Variants in CSNK1G2 observed in about 807,000 individuals in gnomAD.
The protein encoded by CSNK1G2 is casein kinase 1 gamma 2, also known as casein kinase I isoform gamma-2.
CSNK1G2 carries 11 observed loss-of-function variants against 48.0 expected under a neutral mutation model. That is an observed-to-expected ratio of 0.23 (90% CI 0.14 to 0.38). The LOEUF is 0.38. Among genes scored for constraint, CSNK1G2 ranks in the 10% least tolerant of loss-of-function variants. CSNK1G2 has a pLI of 1.00. For missense variants in CSNK1G2, 446 were observed against 595.5 expected, an observed-to-expected ratio of 0.75 and a Z score of 2.61; for synonymous variants, 337 against 254.1, an observed-to-expected ratio of 1.33 and a Z score of -3.10.
Position 1,969,360 on chromosome 19 carries a change from C to T in CSNK1G2, c.-265-148C>T, listed in dbSNP as rs530951753. 139 of 155,698 alleles carry T rather than the reference C, an allele frequency of 8.9e-4. 3 individuals carry two copies. In the South Asian group the frequency reaches 0.028, roughly 31 times the overall value. 9.6% of individuals were successfully genotyped at this position (155,698 alleles called of 1,614,324 possible). A position where few individuals can be genotyped will look rare whatever the true frequency, so the allele number is the denominator to read the frequency against. Reference sequence around the variant, plus strand: ...GTGTGCTTCCCAGCTGGGTTCCGGGCAGGGACGGTGCTCATCATGCCCCGG... The same window carrying T: ...GTGTGCTTCCCAGCTGGGTTCCGGGTAGGGACGGTGCTCATCATGCCCCGG... On this transcript the variant is annotated intron_variant, in intron 1 of 11. Transcript: ENST00000255641.
Position 1,979,487 on chromosome 19 carries a change from C to A in CSNK1G2, c.854-8C>A. ...CCCGCCGAGGCCCCGCTGGCGCTCTCTCTGCAGAGGAGATGGCCACGTACC... is the reference window on the plus strand; with the variant it reads ...CCCGCCGAGGCCCCGCTGGCGCTCTATCTGCAGAGGAGATGGCCACGTACC... On this transcript the variant is annotated splice_region_variant and splice_polypyrimidine_tract_variant and intron_variant, in intron 8 of 11. Transcript: ENST00000255641. The A allele has an allele frequency of 7.0e-7, 1 of 1,423,892 alleles. No individual in the cohort carries two copies. Among genetic ancestry groups the A allele is most frequent in the Non-Finnish European group, 9.4e-7 (1 of 1,065,074 alleles). 88.2% of individuals were successfully genotyped at this position (1,423,892 alleles called of 1,614,324 possible).
Position 1,980,210 on chromosome 19 carries a change from G to A in CSNK1G2, c.*7G>A. 1 of 1,612,832 alleles carries A rather than the reference G, an allele frequency of 6.2e-7. No individual in the cohort carries two copies. Among genetic ancestry groups the A allele is most frequent in the South Asian group, 1.1e-5 (1 of 91,090 alleles). ...GCTGCAGCGACACAAGTGACCCTGG[G>A]CGCGTGCAGCCCCCTGAATCTTCTC... On this transcript the variant is annotated 3_prime_UTR_variant, in exon 12 of 12. Coordinates refer to ENST00000255641, the MANE Select transcript of CSNK1G2 (RefSeq NM_001319.7).
At position 1,978,842 on chromosome 19, in the gene CSNK1G2, G is replaced by C. The variant is rs754448313; in HGVS notation, c.448-17G>C. On this transcript the variant is annotated splice_polypyrimidine_tract_variant and intron_variant, in intron 5 of 11. Transcript: ENST00000255641. This position sits in a 1 kb window ranked among gnomAD's most constrained non-coding sequence, Gnocchi z 7.3. ...GACGGGGAGGGGCCCGGCCGACACC[G>C]CCGTGCCCCCCTGCAGATCACGCGC... The C allele has an allele frequency of 6.3e-7, 1 of 1,596,254 alleles. No homozygotes were observed. The highest frequency in any genetic ancestry group is 1.1e-5 in the South Asian group (1 of 90,466).
chr19:1,972,448 T>A (rs890809303), intron 2 of CSNK1G2, among the ~76,000 whole-genome samples: 2 of 152,242 alleles, frequency 1.3e-5, no homozygotes, highest in African/African-American at 2.4e-5. Flanking sequence ...TTAAGGTTTT[T>A]ATCTTTGATT....
At chr19:1,958,104 A>G (rs930820995) in intron 1 of CSNK1G2, among the ~76,000 whole-genome samples, 1 of 152,012 alleles carries the variant, frequency 6.6e-6, no homozygotes, top group African/African-American at 2.4e-5. Flanking sequence ...GCCCCTCCCG[A>G]GCAGGTCTGG....
chr19:1,948,164 G>A (rs1174425839), intron 1 of CSNK1G2, among the ~76,000 whole-genome samples: 1 of 152,172 alleles, frequency 6.6e-6, no homozygotes, highest in African/African-American at 2.4e-5. Context: ...CGCTGCCCCG[G>A]GCCCTGTCCC....
intron 1 of CSNK1G2, among the ~76,000 whole-genome samples, chr19:1,959,682 G>A (rs75060515): frequency 8.5e-6 from 1 of 118,342 alleles, no homozygotes; most frequent in African/African-American, 4.6e-5. Flanking sequence ...TGCCACCGTG[G>A]GTCCCCCAGC....
chr19:1,978,368 C>T lies in CSNK1G2; in HGVS notation c.228+23C>T. On this transcript the variant is annotated intron_variant, in intron 3 of 11. Coordinates refer to ENST00000255641, the MANE Select transcript of CSNK1G2 (RefSeq NM_001319.7). This position sits in a 1 kb window ranked among gnomAD's most constrained non-coding sequence, Gnocchi z 7.3. ...TTGGTGAGTCGGCCCCTCCACCCCACCCCCGCTGACGTGCCCCCCAGGGAT... is the reference window on the plus strand; with the variant it reads ...TTGGTGAGTCGGCCCCTCCACCCCATCCCCGCTGACGTGCCCCCCAGGGAT... The T allele has an allele frequency of 2.5e-6, 4 of 1,612,604 alleles. No homozygotes were observed. The highest frequency in any genetic ancestry group is 3.4e-6 in the Non-Finnish European group (4 of 1,179,378).
intron 2 of CSNK1G2, among the ~76,000 whole-genome samples, chr19:1,970,324 C>T (rs989622876): frequency 5.3e-5 from 8 of 152,246 alleles, no homozygotes; most frequent in Non-Finnish European, 8.8e-5. Flanking sequence ...GGTGCCTGCC[C>T]GGCACTCAGC....
chr19:1,945,402 C>T (rs983216559), intron 1 of CSNK1G2, among the ~76,000 whole-genome samples: 13 of 152,216 alleles, frequency 8.5e-5, no homozygotes, highest in African/African-American at 2.9e-4. Flanking sequence ...CACAGGGAAT[C>T]GGGGCAGCCC....
chr19:1,980,030 G>A lies in CSNK1G2; in HGVS notation c.1193+13G>A, dbSNP rs1291173498. 6.3e-7 allele frequency: 1 copy of A among 1,582,122 alleles called. No homozygotes were observed. Among genetic ancestry groups the A allele is most frequent in the East Asian group, 2.2e-5 (1 of 44,544 alleles). On this transcript the variant is annotated intron_variant, in intron 11 of 11. Coordinates refer to ENST00000255641, the MANE Select transcript of CSNK1G2 (RefSeq NM_001319.7). ...CCGATGAAACCAAGTAAGGCTCTGG[G>A]GCGGTGCCTTCGGGGAGGTGGGGGT...
intron 1 of CSNK1G2, among the ~76,000 whole-genome samples, chr19:1,941,637 C>T (rs2145484907): frequency 6.7e-6 from 1 of 148,924 alleles, no homozygotes; most frequent in East Asian, 2.0e-4. Context: ...ACCCCGTTGA[C>T]CCTGCACTCG....
rs1383450593 is a variant in CSNK1G2, at chr19:1,978,147, C to T, written c.188-158C>T. ...ACTTGGCAGGCCATGGTGCAGTGCT[C>T]TGGCAGGCTGGGCCCAGGCCCTGCT... On this transcript the variant is annotated intron_variant, in intron 2 of 11. Coordinates refer to ENST00000255641, the MANE Select transcript of CSNK1G2 (RefSeq NM_001319.7). The surrounding 1 kb of genome is among the most constrained non-coding windows in gnomAD (Gnocchi z 7.3). Among the ~76,000 whole-genome samples the T allele has an allele frequency of 6.6e-6, 1 of 151,920 alleles. No homozygotes were observed. Among genetic ancestry groups the T allele is most frequent in the Non-Finnish European group, 1.5e-5 (1 of 67,942 alleles).
intron 1 of CSNK1G2, among the ~76,000 whole-genome samples, chr19:1,943,718 G>A (rs76516017): frequency 0.026 from 3,905 of 152,282 alleles, 128 homozygotes; most frequent in East Asian, 0.16. Flanking sequence ...CCACTGGGAC[G>A]GACGGAAGCT....
chr19:1,971,546 AGCACAC>A (rs950877323), intron 2 of CSNK1G2, among the ~76,000 whole-genome samples: 6 of 152,250 alleles, frequency 3.9e-5, no homozygotes, highest in African/African-American at 1.4e-4. Flanking sequence ...TGCACACTAA[AGCACAC>A]GCACACAGGC....
intron 1 of CSNK1G2, among the ~76,000 whole-genome samples, chr19:1,967,995 C>A (rs1171508662): frequency 4.1e-5 from 2 of 49,004 alleles, no homozygotes; most frequent in African/African-American, 1.1e-4. Context: ...CAGGCTGCCC[C>A]CGACCACCCT....
intron 1 of CSNK1G2, among the ~76,000 whole-genome samples, chr19:1,960,961 A>G (rs936791527): frequency 6.6e-6 from 1 of 152,344 alleles, no homozygotes; most frequent in South Asian, 2.1e-4. Context: ...TTTCCAGAAG[A>G]AGGAGAATGT....
intron 1 of CSNK1G2, among the ~76,000 whole-genome samples, chr19:1,947,967 C>T (rs558614848): frequency 5.3e-5 from 8 of 152,096 alleles, no homozygotes; most frequent in East Asian, 3.9e-4. Context: ...AGCTCGTCCT[C>T]GTGCCCGGGC....
At chr19:1,970,793 G>A (rs1307918631) in intron 2 of CSNK1G2, among the ~76,000 whole-genome samples, 3 of 152,218 alleles carry the variant, frequency 2.0e-5, no homozygotes, top group African/African-American at 4.8e-5. Flanking sequence ...AGTGTCTGTC[G>A]TGGTGGGAAT....
Sources: gnomAD v4.1 joint callset for allele counts (sites outside exome capture counted in the v4.1 genomes callset) on GRCh38, gnomAD v4.1.1 for gene constraint, Gnocchi (gnomAD v3.1) non-coding constraint, MANE v1.5 for transcripts, NCBI Gene and HGNC (gene_info 2026-07-23, HGNC 2026-07-21) for gene names.